Variants in GALNT13 observed in about 807,000 individuals in gnomAD.
GALNT13 encodes polypeptide N-acetylgalactosaminyltransferase 13.
In GALNT13, 28 loss-of-function variants were observed where a neutral mutation model predicts 64.2. That is an observed-to-expected ratio of 0.44 (90% CI 0.32 to 0.60). The LOEUF (loss-of-function observed/expected upper bound fraction) is 0.60. Ranked by LOEUF, GALNT13 falls within the 20% of genes least tolerant of loss-of-function variation. The probability of loss-of-function intolerance (pLI) is 0.05; values close to 1 mark genes in which losing one functional copy is unlikely to be tolerated. For missense variants in GALNT13, 577 were observed against 669.8 expected, an observed-to-expected ratio of 0.86 and a Z score of 1.53; for synonymous variants, 214 against 224.6, an observed-to-expected ratio of 0.95 and a Z score of 0.42.
At chr2:153,257,997 C>T in the GALNT13 span, among the ~76,000 whole-genome samples, 5,043 of 152,094 alleles carry the variant, frequency 0.033, 287 homozygotes, top group African/African-American at 0.11. Context: ...TTCTAACAGG[C>T]CCAGGAGCCC....
the GALNT13 span, among the ~76,000 whole-genome samples, chr2:153,369,868 A>G: frequency 6.6e-6 from 1 of 152,152 alleles, no homozygotes; most frequent in Non-Finnish European, 1.5e-5. Flanking sequence ...AGGTGAAGCC[A>G]CTGTCCTGGC....
the GALNT13 span, among the ~76,000 whole-genome samples, chr2:153,764,975 A>G: frequency 6.6e-6 from 1 of 152,222 alleles, no homozygotes; most frequent in African/African-American, 2.4e-5. Flanking sequence ...GAAGTCAAGA[A>G]CTGAGGTTTG....
rs115644499 is a variant in GALNT13, at chr2:154,122,076, C to T, written c.143-18261C>T. On this transcript the variant is annotated intron_variant, in intron 3 of 12. Coordinates refer to ENST00000392825, the MANE Select transcript of GALNT13 (RefSeq NM_052917.4). ...TTTATGGTGAATTGCTGTTGGATTT[C>T]GAAATTTTATGCATTAGTTAATAAG... Among the ~76,000 whole-genome samples, 721 of 151,996 alleles carry T rather than the reference C, an allele frequency of 4.7e-3. 5 individuals are homozygous for T. The highest frequency in any genetic ancestry group is 0.016 in the African/African-American group (673 of 41,478).
the GALNT13 span, among the ~76,000 whole-genome samples, chr2:153,604,292 G>A: frequency 0.015 from 2,279 of 152,182 alleles, 40 homozygotes; most frequent in Non-Finnish European, 0.018. Flanking sequence ...GGGTGTGAAT[G>A]TAACCTGAAA....
chr2:154,029,306 C>CT (rs1399421965), intron 3 of GALNT13, among the ~76,000 whole-genome samples: 1 of 151,756 alleles, frequency 6.6e-6, no homozygotes, highest in African/African-American at 2.4e-5. Context: ...CTGGATCCTT[C>CT]TCCCCTTCCC....
chr2:153,933,783 A>C (rs1690702847), intron 2 of GALNT13, among the ~76,000 whole-genome samples: 1 of 152,088 alleles, frequency 6.6e-6, no homozygotes, highest in African/African-American at 2.4e-5. Flanking sequence ...ACCTCTTGTA[A>C]AGTGGGTCTG....
chr2:154,129,391 A>G (rs907008409), intron 3 of GALNT13, among the ~76,000 whole-genome samples: 1 of 152,318 alleles, frequency 6.6e-6, no homozygotes, highest in East Asian at 1.9e-4. Context: ...GCCAGTAATA[A>G]TAATCAGTAA....
rs1553529811 is a variant in GALNT13, at chr2:154,417,521, A to ATTTATTTATTTTT, written c.1395+8442_1395+8443insATTTATTTTTTTT. 1.8e-4 allele frequency among the ~76,000 whole-genome samples: 25 copies of ATTTATTTATTTTT among 139,136 alleles called. 1 individual carries two copies. In the East Asian group the frequency reaches 4.7e-3, roughly 26 times the overall value. The allele number at this position is 139,136 out of a possible 152,430, so 91.3% of individuals were successfully genotyped here. A position where few individuals can be genotyped will look rare whatever the true frequency, so the allele number is the denominator to read the frequency against. The stretch of plus-strand genomic sequence containing the variant: ...TATTTATTTATTTATTTATTTATTT[A>ATTTATTTATTTTT]TTTTTTTGAGGCGGAGTCTTGCTCT... On this transcript the variant is annotated intron_variant, in intron 11 of 12. Transcript: ENST00000392825.
chr2:154,144,879 A>G (rs976519980), intron 4 of GALNT13, among the ~76,000 whole-genome samples: 1 of 151,908 alleles, frequency 6.6e-6, no homozygotes, highest in African/African-American at 2.4e-5. Flanking sequence ...AAAGTATTTA[A>G]TATTTTAATA....
In GALNT13 at chr2:154,042,695, C is replaced by CATATATAT. The variant is rs70981696; in HGVS notation, c.143-97621_143-97614dup. Among the ~76,000 whole-genome samples, 985 of 107,876 alleles carry CATATATAT rather than the reference C, an allele frequency of 9.1e-3. 34 individuals are homozygous for CATATATAT. Among genetic ancestry groups the CATATATAT allele is most frequent in the African/African-American group, 0.021 (728 of 34,206 alleles). The allele number at this position is 107,876 out of a possible 152,430, so 70.8% of individuals were successfully genotyped here. Reference sequence around the variant, plus strand: ...CTTTACCCTAGTCCTTATCATTATGCATATATATATATATATATATATATA... The same window carrying CATATATAT: ...CTTTACCCTAGTCCTTATCATTATGCATATATATATATATATATATATATATATATATA... On this transcript the variant is annotated intron_variant, in intron 3 of 12. Transcript: ENST00000392825.
chr2:153,480,725 A>C, the GALNT13 span, among the ~76,000 whole-genome samples: 16 of 152,284 alleles, frequency 1.1e-4, no homozygotes, highest in East Asian at 3.1e-3. Flanking sequence ...ATGGTAGAGA[A>C]AAGTAATAGA....
intron 3 of GALNT13, among the ~76,000 whole-genome samples, chr2:154,133,086 C>T (rs1183551583): frequency 6.6e-6 from 1 of 151,984 alleles, no homozygotes; most frequent in Non-Finnish European, 1.5e-5. Flanking sequence ...TATAACCTTC[C>T]ATCTAAACTA....
chr2:154,404,864 A>G (rs949525201), intron 10 of GALNT13, among the ~76,000 whole-genome samples: 2 of 152,146 alleles, frequency 1.3e-5, no homozygotes, highest in Non-Finnish European at 2.9e-5. Context: ...AAAACTACAG[A>G]AAAAGGTGTT....
the GALNT13 span, among the ~76,000 whole-genome samples, chr2:153,681,713 T>TA: frequency 6.6e-6 from 1 of 151,758 alleles, no homozygotes; most frequent in East Asian, 1.9e-4. Context: ...GAATCCTGTT[T>TA]AAAAACACTC....
intron 2 of GALNT13, among the ~76,000 whole-genome samples, chr2:153,929,876 G>C (rs1480894423): frequency 6.6e-6 from 1 of 152,048 alleles, no homozygotes; most frequent in African/African-American, 2.4e-5. Flanking sequence ...TGATGAAATG[G>C]CTATGTCAAA....
the GALNT13 span, among the ~76,000 whole-genome samples, chr2:153,715,455 G>A: frequency 6.6e-6 from 1 of 152,244 alleles, no homozygotes; most frequent in Non-Finnish European, 1.5e-5. Flanking sequence ...TGTGACTGGT[G>A]CATTGCCTTT....
chr2:153,095,393 G>A, the GALNT13 span, among the ~76,000 whole-genome samples: 4 of 152,172 alleles, frequency 2.6e-5, no homozygotes, highest in Non-Finnish European at 5.9e-5. Context: ...GAAACAACAA[G>A]TGCTGGAGAG....
At chr2:153,537,637 G>A in the GALNT13 span, among the ~76,000 whole-genome samples, 2 of 152,262 alleles carry the variant, frequency 1.3e-5, no homozygotes, top group African/African-American at 2.4e-5. Flanking sequence ...ATCCCTAAGT[G>A]CTGTGGGAGG....
chr2:153,693,550 G>A, the GALNT13 span, among the ~76,000 whole-genome samples: 4 of 152,018 alleles, frequency 2.6e-5, no homozygotes, highest in Admixed American at 2.6e-4. Flanking sequence ...TGTGACTCGG[G>A]GGAAAAACAC....
Sources: allele counts gnomAD v4.1 joint callset (sites outside exome capture counted in the v4.1 genomes callset), GRCh38; gene constraint gnomAD v4.1.1; transcripts MANE v1.5; gene names NCBI Gene and HGNC (gene_info 2026-07-23, HGNC 2026-07-21).